The following FSHR variants were observed in gnomAD, a reference collection of about 807,000 sequenced individuals.
FSHR encodes follicle stimulating hormone receptor, also known as follicle-stimulating hormone receptor.
A neutral mutation model predicts 52.1 loss-of-function variants in FSHR; 46 were observed. The ratio of observed to expected loss-of-function variants is 0.88; its 90% CI spans 0.70 to 1.13. The LOEUF is 1.13. FSHR is among the 50% of genes most tolerant of loss of function. FSHR has a pLI of 0.00. For missense variants in FSHR, 964 were observed against 834.6 expected (o/e 1.16, Z -1.91); for synonymous variants, 399 against 309.6 (o/e 1.29, Z -3.03).
At chr2:49,064,035 CA>C (rs1048010815) in intron 2 of FSHR, among the ~76,000 whole-genome samples, 20 of 149,810 alleles carry the variant, frequency 1.3e-4, no homozygotes, top group South Asian at 8.6e-4. Context: ...GGAACAAGAA[CA>C]AAAAAAGTGG....
At chr2:49,020,314 A>G (rs1033583331) in intron 2 of FSHR, among the ~76,000 whole-genome samples, 154 bp from the exon 3 acceptor site, 2 of 152,184 alleles carry the variant, frequency 1.3e-5, no homozygotes, top group Non-Finnish European at 2.9e-5. Flanking sequence ...AATAAGGCAA[A>G]ACTAACATAC....
chr2:49,113,476 G>A (rs1431959889), intron 1 of FSHR, among the ~76,000 whole-genome samples: 1 of 152,200 alleles, frequency 6.6e-6, no homozygotes, highest in African/African-American at 2.4e-5. Flanking sequence ...AGGAAGCTGT[G>A]CATTTGCACA....
chr2:49,061,409 G>C (rs928239283), intron 2 of FSHR, among the ~76,000 whole-genome samples: 3 of 151,308 alleles, frequency 2.0e-5, no homozygotes, highest in Admixed American at 1.3e-4. Context: ...TAGCTATCAT[G>C]ATTACATCAG....
intron 1 of FSHR, among the ~76,000 whole-genome samples, chr2:49,121,306 G>A (rs944579748): frequency 1.3e-5 from 2 of 152,148 alleles, no homozygotes; most frequent in Admixed American, 6.5e-5. Context: ...CTGACCTTCA[G>A]TGTTCTCTTC....
At chr2:49,078,067 A>C (rs1424117663) in intron 1 of FSHR, among the ~76,000 whole-genome samples, 1 of 152,088 alleles carries the variant, frequency 6.6e-6, no homozygotes, top group Non-Finnish European at 1.5e-5. Context: ...GCCCCACTCT[A>C]CTGGTACAAA....
chr2:49,146,173 A>C (rs1361658792), intron 1 of FSHR, among the ~76,000 whole-genome samples: 1 of 152,050 alleles, frequency 6.6e-6, no homozygotes, highest in Non-Finnish European at 1.5e-5. Flanking sequence ...CTCAAAGACC[A>C]ATTCAGAGGC....
chr2:48,987,267 A>G (rs1017907999), intron 6 of FSHR, among the ~76,000 whole-genome samples: 3 of 151,894 alleles, frequency 2.0e-5, no homozygotes, highest in Admixed American at 6.6e-5. Flanking sequence ...GCAGTGGTGC[A>G]ATCTTGGCTC....
At chr2:48,989,526 C>A (rs767940342) in intron 5 of FSHR, among the ~76,000 whole-genome samples, 7 of 152,122 alleles carry the variant, frequency 4.6e-5, no homozygotes, top group African/African-American at 7.2e-5. Context: ...AAGTGATCTG[C>A]CTGCCTTGGC....
At chr2:49,145,352 T>C (rs1672832616) in intron 1 of FSHR, among the ~76,000 whole-genome samples, 1 of 152,148 alleles carries the variant, frequency 6.6e-6, no homozygotes, top group African/African-American at 2.4e-5. Context: ...CATTATATTT[T>C]AGTTCAGGTC....
intron 1 of FSHR, among the ~76,000 whole-genome samples, chr2:49,085,052 T>C (rs1350467744): frequency 1.3e-5 from 2 of 152,150 alleles, no homozygotes; most frequent in African/African-American, 4.8e-5. Flanking sequence ...AAAAAGAGAA[T>C]TTTAGACCAA....
At chr2:49,071,671 G>T (rs1437632967) in intron 1 of FSHR, among the ~76,000 whole-genome samples, 1 of 151,260 alleles carries the variant, frequency 6.6e-6, no homozygotes, top group Admixed American at 6.7e-5. Context: ...TAAAGAAAAA[G>T]TTTATTTCAC....
intron 1 of FSHR, among the ~76,000 whole-genome samples, chr2:49,078,331 C>T (rs55911208): frequency 0.2 from 30,726 of 151,980 alleles, 3,483 homozygotes; most frequent in African/African-American, 0.32. Context: ...GAGAACAGCA[C>T]GGGAAAGACC....
chr2:49,153,041 C>T (rs1038845737), intron 1 of FSHR, among the ~76,000 whole-genome samples: 92 of 152,322 alleles, frequency 6.0e-4, no homozygotes, highest in African/African-American at 2.1e-3. Context: ...ATTTTCCCTG[C>T]CTCTGCAGCT....
chr2:49,118,169 G>T (rs934805917), intron 1 of FSHR, among the ~76,000 whole-genome samples: 1 of 152,080 alleles, frequency 6.6e-6, no homozygotes, highest in Non-Finnish European at 1.5e-5. Context: ...TGGTGGACTT[G>T]TGCCTGAGCA....
intron 6 of FSHR, among the ~76,000 whole-genome samples, chr2:48,984,732 AC>A (rs779182758): frequency 1.3e-5 from 2 of 152,150 alleles, no homozygotes; most frequent in African/African-American, 2.4e-5. Flanking sequence ...TAGTTGGCTG[AC>A]CCTTAATCCA....
intron 8 of FSHR, among the ~76,000 whole-genome samples, chr2:48,979,811 G>C (rs1002487365): frequency 6.6e-6 from 1 of 151,798 alleles, no homozygotes; most frequent in African/African-American, 2.4e-5. Flanking sequence ...GTCTTTGTGT[G>C]TGTGTGTGTG....
chr2:48,999,987 T>C (rs376595763), intron 4 of FSHR, among the ~76,000 whole-genome samples: 6 of 152,148 alleles, frequency 3.9e-5, no homozygotes, highest in African/African-American at 1.4e-4. Flanking sequence ...TAGGACATGG[T>C]TGGTAAACTC....
intron 1 of FSHR, among the ~76,000 whole-genome samples, chr2:49,115,774 C>A (rs932279048): frequency 6.6e-6 from 1 of 152,002 alleles, no homozygotes; most frequent in Non-Finnish European, 1.5e-5. Flanking sequence ...TGATGAAGGT[C>A]CAGTTATAGT....
intron 1 of FSHR, among the ~76,000 whole-genome samples, chr2:49,108,724 A>G (rs1671323594): frequency 1.3e-5 from 2 of 152,184 alleles, no homozygotes; most frequent in South Asian, 4.1e-4. Flanking sequence ...TTTTGAGAAC[A>G]TTTAGACTGA....
Sources: gnomAD v4.1 joint callset for allele counts (sites outside exome capture counted in the v4.1 genomes callset) on GRCh38, gnomAD v4.1.1 for gene constraint, MANE v1.5 for transcripts, NCBI Gene and HGNC (gene_info 2026-07-23, HGNC 2026-07-21) for gene names.